Variants in DACH1 observed in about 807,000 individuals in gnomAD.
DACH1 encodes the protein dachshund family transcription factor 1.
A neutral mutation model predicts 54.2 loss-of-function variants in DACH1; 12 were observed. The ratio of observed to expected loss-of-function variants is 0.22; its 90% CI spans 0.14 to 0.36. The LOEUF (loss-of-function observed/expected upper bound fraction) is 0.36, where lower values mean the gene tolerates loss of function less well. DACH1 is among the 10% of genes least tolerant of loss of function. DACH1 has a pLI of 1.00. For synonymous variants in DACH1, 386 were observed against 366.2 expected (o/e 1.05, Z -0.62); for missense variants, 805 against 929.8 (o/e 0.87, Z 1.75).
intron 1 of DACH1, among the ~76,000 whole-genome samples, chr13:71,825,181 C>T (rs1178674445): frequency 6.6e-6 from 1 of 152,052 alleles, no homozygotes; most frequent in Non-Finnish European, 1.5e-5. Context: ...TTTTCTCTTT[C>T]ATTTACTAAT....
intron 1 of DACH1, among the ~76,000 whole-genome samples, chr13:71,717,632 T>C (rs1350397007): frequency 6.6e-6 from 1 of 152,054 alleles, no homozygotes; most frequent in African/African-American, 2.4e-5. Flanking sequence ...CCATTCATAA[T>C]TTAAATTGTC....
At chr13:71,705,625 C>T (rs889577453) in intron 1 of DACH1, among the ~76,000 whole-genome samples, 1 of 152,110 alleles carries the variant, frequency 6.6e-6, no homozygotes, top group Non-Finnish European at 1.5e-5. Context: ...GGCAGATAGG[C>T]AATTTGTTAG....
chr13:71,727,097 C>G (rs1326047213), intron 1 of DACH1, among the ~76,000 whole-genome samples: 1 of 151,976 alleles, frequency 6.6e-6, no homozygotes, highest in African/African-American at 2.4e-5. Context: ...CTTCAAAAAA[C>G]AAGGCCTAAA....
intron 3 of DACH1, chr13:71,573,414 G>A (rs542318004): frequency 7.0e-6 from 5 of 715,950 alleles, no homozygotes; most frequent in African/African-American, 3.5e-5. Flanking sequence ...GAATGCCATC[G>A]TACCATTTGG....
intron 1 of DACH1, among the ~76,000 whole-genome samples, chr13:71,779,352 A>G (rs1361355134): frequency 6.7e-6 from 1 of 150,114 alleles, no homozygotes; most frequent in African/African-American, 2.4e-5. Flanking sequence ...AAACGTTTTA[A>G]GAGTTTGATT....
chr13:71,717,538 ACACAC>A (rs1461754036), intron 1 of DACH1, among the ~76,000 whole-genome samples: 1 of 151,552 alleles, frequency 6.6e-6, no homozygotes, highest in Non-Finnish European at 1.5e-5. Flanking sequence ...ACACACACAC[ACACAC>A]ATTAATTCTA....
Position 71,630,553 on chromosome 13 carries a change from T to C in DACH1, c.1126+3A>G. The C allele has an allele frequency of 6.3e-7, 1 of 1,582,216 alleles. No homozygotes were observed. Among genetic ancestry groups the C allele is most frequent in the Non-Finnish European group, 8.6e-7 (1 of 1,169,018 alleles). On this transcript the variant is annotated splice_donor_region_variant and intron_variant, in intron 3 of 10. Transcript: ENST00000613252. ...AATAAGTTTCAGCGAACATAAAACT[T>C]ACCGACACTTGAATTCATGTCCCCG... is the stretch of plus-strand genomic sequence containing the variant.
At chr13:71,735,059 A>T (rs1883954331) in intron 1 of DACH1, among the ~76,000 whole-genome samples, 1 of 144,256 alleles carries the variant, frequency 6.9e-6, no homozygotes, top group African/African-American at 2.5e-5. Context: ...TATATGGGTG[A>T]TACATATATA....
chr13:71,540,179 A>G (rs1883043429), intron 6 of DACH1, among the ~76,000 whole-genome samples: 1 of 152,056 alleles, frequency 6.6e-6, no homozygotes, highest in Non-Finnish European at 1.5e-5. Context: ...TTCTGTTAAT[A>G]TAAAAGTATA....
chr13:71,856,228 A>G (rs1256920127), intron 1 of DACH1, among the ~76,000 whole-genome samples: 1 of 151,968 alleles, frequency 6.6e-6, no homozygotes, highest in African/African-American at 2.4e-5. Flanking sequence ...GGTAACTTGT[A>G]TAAATGTAAT....
Position 71,438,730 on chromosome 13 carries a change from AGTGTTGTAAT to A in DACH1, c.*1915_*1924del, listed in dbSNP as rs945963537. 11 of 152,454 alleles carry A rather than the reference AGTGTTGTAAT, an allele frequency of 7.2e-5. No individual in the cohort carries two copies. The highest frequency in any genetic ancestry group is 2.7e-4 in the African/African-American group (11 of 41,454). The allele number at this position is 152,454 out of a possible 1,614,324, so 9.4% of individuals were successfully genotyped here. On this transcript the variant is annotated 3_prime_UTR_variant, in exon 11 of 11. Transcript: ENST00000613252. ...CTTGACACAAGTCCATTCAATTTTA[AGTGTTGTAAT>A]CCTTTAAAGACTGCATATAGGGAAA... is the stretch of plus-strand genomic sequence containing the variant.
chr13:71,643,944 T>C (rs896885761), intron 2 of DACH1, among the ~76,000 whole-genome samples: 1 of 152,202 alleles, frequency 6.6e-6, no homozygotes, highest in Admixed American at 6.5e-5. Flanking sequence ...TAAACTTTTC[T>C]AAAAGCAGAG....
intron 8 of DACH1, among the ~76,000 whole-genome samples, chr13:71,478,787 G>C (rs1369466071): frequency 6.6e-6 from 1 of 152,110 alleles, no homozygotes; most frequent in Admixed American, 6.5e-5. Context: ...TGAATAATCA[G>C]TATTTTCTAT....
chr13:71,519,883 G>GTATATATATATATATCTATATATA (rs1881447193), intron 6 of DACH1, among the ~76,000 whole-genome samples: 1 of 29,330 alleles, frequency 3.4e-5, no homozygotes, highest in Admixed American at 4.9e-4. Flanking sequence ...AACCAAAGTA[G>GTATATATATATATATCTATATATA]TATATATATA....
In DACH1 at chr13:71,867,203, A is replaced by C; in HGVS notation, c.-434T>G. 1 of 160,502 alleles carries C rather than the reference A, an allele frequency of 6.2e-6. No homozygotes were observed. The highest frequency in any genetic ancestry group is 1.4e-5 in the Non-Finnish European group (1 of 73,846). The allele number at this position is 160,502 out of a possible 1,614,324, so 9.9% of individuals were successfully genotyped here. ...ACATTGATCAAAGATTGAGAGGGGAATGACAGAGAGAAAATGAGCTGAAAA... is the reference window on the plus strand; with the variant it reads ...ACATTGATCAAAGATTGAGAGGGGACTGACAGAGAGAAAATGAGCTGAAAA... On this transcript the variant is annotated 5_prime_UTR_variant, in exon 1 of 11. Coordinates refer to ENST00000613252, the MANE Select transcript of DACH1 (RefSeq NM_080759.6).
chr13:71,828,319 A>G (rs1430406978), intron 1 of DACH1, among the ~76,000 whole-genome samples: 1 of 151,970 alleles, frequency 6.6e-6, no homozygotes. Flanking sequence ...AAGGCTCGGG[A>G]CAGAGTGATA....
intron 2 of DACH1, among the ~76,000 whole-genome samples, chr13:71,667,234 A>C (rs1337710619): frequency 6.6e-6 from 1 of 152,200 alleles, no homozygotes; most frequent in Admixed American, 6.5e-5. Context: ...GTAGTCCATG[A>C]CATATGTGTT....
Position 71,538,493 on chromosome 13 carries a change from G to A in DACH1, c.1570+18531C>T, listed in dbSNP as rs562570762. Among the ~76,000 whole-genome samples, 4 of 152,174 alleles carry A rather than the reference G, an allele frequency of 2.6e-5. No individual in the cohort carries two copies. In the East Asian group the frequency reaches 7.7e-4, roughly 29 times the overall value. On this transcript the variant is annotated intron_variant, in intron 6 of 10. Coordinates refer to ENST00000613252, the MANE Select transcript of DACH1 (RefSeq NM_080759.6). The stretch of plus-strand genomic sequence containing the variant: ...TACCTATATAAGAATTCTGAGCAAG[G>A]AAAAGGAATATGCAGAACACAGGCA...
intron 1 of DACH1, among the ~76,000 whole-genome samples, chr13:71,861,403 T>G (rs2138292072): frequency 6.6e-6 from 1 of 152,102 alleles, no homozygotes; most frequent in East Asian, 1.9e-4. Context: ...AGACTAACTC[T>G]TAGAAAAACA....
Sources: gnomAD v4.1 joint callset for allele counts (sites outside exome capture counted in the v4.1 genomes callset) on GRCh38, gnomAD v4.1.1 for gene constraint, MANE v1.5 for transcripts, NCBI Gene and HGNC (gene_info 2026-07-23, HGNC 2026-07-21) for gene names.